TSHZ2: variants seen among roughly 807,000 people sequenced by gnomAD.
TSHZ2 encodes teashirt homolog 2.
Under a neutral mutation model 74.4 loss-of-function variants are expected in TSHZ2, and 21 were observed. That is an observed-to-expected ratio of 0.28 (90% confidence interval 0.20 to 0.41). The LOEUF (loss-of-function observed/expected upper bound fraction) is 0.41, where lower values mean the gene tolerates loss of function less well. Among genes scored for constraint, TSHZ2 ranks in the 10% least tolerant of loss-of-function variants. The probability of loss-of-function intolerance (pLI) is 1.00; values close to 1 mark genes in which losing one functional copy is unlikely to be tolerated. For synonymous variants in TSHZ2, 540 were observed against 515.3 expected (o/e 1.05, Z -0.65); for missense variants, 1,244 against 1,293.5 (o/e 0.96, Z 0.59).
At chr20:53,023,062 C>T (rs1020973851) in intron 1 of TSHZ2, among the ~76,000 whole-genome samples, 1 of 152,156 alleles carries the variant, frequency 6.6e-6, no homozygotes, top group African/African-American at 2.4e-5. Flanking sequence ...AAAGTAAATT[C>T]TTATCACCTG....
At chr20:53,110,929 T>G (rs1349348161) in intron 1 of TSHZ2, among the ~76,000 whole-genome samples, 1 of 151,626 alleles carries the variant, frequency 6.6e-6, no homozygotes, top group Non-Finnish European at 1.5e-5. Flanking sequence ...AAGAGAAAGG[T>G]TCTGTACAGT....
In TSHZ2 at chr20:53,255,715, T is replaced by C. The variant is rs563480864; in HGVS notation, c.2257T>C (p.Ser753Pro). 8.4e-5 allele frequency: 135 copies of C among 1,609,082 alleles called. 4 individuals carry two copies. The South Asian group carries it at 1.5e-3, about 18-fold the overall frequency. The change falls in exon 2 of 3, where the codon TCC (serine) becomes CCC (proline). Residue 753 changes from serine (S) to proline (P), a missense_variant. Transcript: ENST00000371497. The surrounding 1 kb of genome is among the most constrained non-coding windows in gnomAD (Gnocchi z 4.1). ...SPASTRSASVSRRYLFENSDQ... is the reference protein window; with the variant it reads ...SPASTRSASVPRRYLFENSDQ... Reference sequence around the variant, plus strand: ...TGCCTCCACAAGGTCAGCCAGCGTGTCCAGGCGCTACCTGTTTGAGAACAG... The same window carrying C: ...TGCCTCCACAAGGTCAGCCAGCGTGCCCAGGCGCTACCTGTTTGAGAACAG...
chr20:53,063,405 T>C (rs1984880898), intron 1 of TSHZ2, among the ~76,000 whole-genome samples: 1 of 152,214 alleles, frequency 6.6e-6, no homozygotes, highest in Non-Finnish European at 1.5e-5. Context: ...ATTATGCATT[T>C]AAATAAACAT....
At chr20:53,198,068 C>T (rs1396679976) in intron 1 of TSHZ2, 1 of 151,846 alleles carries the variant, frequency 6.6e-6, no homozygotes, top group Non-Finnish European at 1.5e-5. Context: ...TGAAAGTTAA[C>T]ATTAGAAAAA....
At chr20:53,338,252 A>C (rs1163387646) in intron 2 of TSHZ2, among the ~76,000 whole-genome samples, 1 of 152,174 alleles carries the variant, frequency 6.6e-6, no homozygotes. Flanking sequence ...GTATAAAAAG[A>C]GTGATGGGCT....
In TSHZ2 at chr20:53,391,380, T is replaced by G. The variant is rs1235993213; in HGVS notation, c.*9-95764T>G. Among the ~76,000 whole-genome samples the G allele has an allele frequency of 2.6e-5, 4 of 152,106 alleles. No homozygotes were observed. The East Asian group carries it at 7.8e-4, about 30-fold the overall frequency. ...CAGGATGGTCTTGATCTCCTGACCT[T>G]GTGATACACCTGCCTCAGCCTCCCA... On this transcript the variant is annotated intron_variant, in intron 2 of 2. Transcript: ENST00000371497.
chr20:53,071,309 C>T (rs972022540), intron 1 of TSHZ2, among the ~76,000 whole-genome samples: 2 of 152,168 alleles, frequency 1.3e-5, no homozygotes, highest in African/African-American at 4.8e-5. Context: ...GAAACTAGGG[C>T]TTAATGTTCA....
chr20:53,453,827 A>C (rs1025763005), intron 2 of TSHZ2, among the ~76,000 whole-genome samples: 1 of 152,196 alleles, frequency 6.6e-6, no homozygotes, highest in African/African-American at 2.4e-5. Context: ...GGAATTCTCC[A>C]AACAGTAATC....
chr20:53,468,396 C>A (rs1188285720), intron 2 of TSHZ2, among the ~76,000 whole-genome samples: 1 of 152,128 alleles, frequency 6.6e-6, no homozygotes, highest in Non-Finnish European at 1.5e-5. Flanking sequence ...CCATTGAAAT[C>A]TTCTAAGCTG....
intron 1 of TSHZ2, among the ~76,000 whole-genome samples, chr20:53,218,539 G>A (rs1989485641): frequency 6.6e-6 from 1 of 152,190 alleles, no homozygotes; most frequent in African/African-American, 2.4e-5. Flanking sequence ...TACCGCATTG[G>A]TTCTATATTC....
chr20:53,013,112 A>G (rs1982915376), intron 1 of TSHZ2, among the ~76,000 whole-genome samples: 1 of 152,176 alleles, frequency 6.6e-6, no homozygotes, highest in Non-Finnish European at 1.5e-5. Flanking sequence ...GTTTTAGTAT[A>G]GCTTCACAGA....
At chr20:53,341,295 A>G (rs1161521073) in intron 2 of TSHZ2, among the ~76,000 whole-genome samples, 1 of 152,106 alleles carries the variant, frequency 6.6e-6, no homozygotes, top group Admixed American at 6.6e-5. Flanking sequence ...ATACAACAAC[A>G]TTGATTGCGA....
chr20:53,201,840 C>A (rs1989015883), intron 1 of TSHZ2, among the ~76,000 whole-genome samples: 2 of 152,166 alleles, frequency 1.3e-5, no homozygotes, highest in Non-Finnish European at 2.9e-5. Context: ...TAGCACCTCT[C>A]CCCCATGCAA....
At chr20:53,454,774 T>C (rs570544283) in intron 2 of TSHZ2, among the ~76,000 whole-genome samples, 1 of 152,150 alleles carries the variant, frequency 6.6e-6, no homozygotes, top group East Asian at 1.9e-4. Flanking sequence ...AAATTGACTC[T>C]CCCAGTCAAT....
chr20:53,320,055 T>C (rs1005113158), intron 2 of TSHZ2, among the ~76,000 whole-genome samples: 2 of 152,208 alleles, frequency 1.3e-5, no homozygotes, highest in African/African-American at 4.8e-5. Context: ...CAAGCATCTT[T>C]CTGAGCCTAT....
At chr20:53,146,527 A>T (rs933158573) in intron 1 of TSHZ2, among the ~76,000 whole-genome samples, 1 of 152,146 alleles carries the variant, frequency 6.6e-6, no homozygotes, top group Non-Finnish European at 1.5e-5. Context: ...GTGGCTCAGG[A>T]TTGTCTTTTG....
chr20:53,094,420 A>G (rs1985976119), intron 1 of TSHZ2, among the ~76,000 whole-genome samples: 1 of 152,198 alleles, frequency 6.6e-6, no homozygotes, highest in Admixed American at 6.5e-5. Flanking sequence ...CCAGAGCCAC[A>G]GTAGTCTTTA....
Position 53,048,872 on chromosome 20 carries a change from G to A in TSHZ2, c.40+75539G>A, listed in dbSNP as rs191718847. 4.9e-3 allele frequency among the ~76,000 whole-genome samples: 743 copies of A among 152,272 alleles called. 10 individuals are homozygous for A. The highest frequency in any genetic ancestry group is 3.2e-3 in the Non-Finnish European group (218 of 68,022). The stretch of plus-strand genomic sequence containing the variant: ...TCTGTGCAACACGCCCTGCGTCACA[G>A]GTTTCAATAACAACAAACTCTGCAC... On this transcript the variant is annotated intron_variant, in intron 1 of 2. Transcript: ENST00000371497.
intron 2 of TSHZ2, among the ~76,000 whole-genome samples, chr20:53,468,688 CAAA>C (rs1158529552): frequency 7.6e-5 from 5 of 65,404 alleles, no homozygotes; most frequent in African/African-American, 2.6e-4. Flanking sequence ...CATTACGAGA[CAAA>C]AAAAAAAAAA....
Sources: gnomAD v4.1 joint callset for allele counts (sites outside exome capture counted in the v4.1 genomes callset) on GRCh38, gnomAD v4.1.1 for gene constraint, Gnocchi (gnomAD v3.1) non-coding constraint, MANE v1.5 for transcripts, NCBI Gene and HGNC (gene_info 2026-07-23, HGNC 2026-07-21) for gene names.